LRMDA: variants seen among roughly 807,000 people sequenced by gnomAD.
LRMDA encodes the protein leucine-rich melanocyte differentiation-associated protein.
Under a neutral mutation model 29.8 loss-of-function variants are expected in LRMDA, and 18 were observed. That is an observed-to-expected ratio of 0.60 (90% CI 0.42 to 0.90). The LOEUF (loss-of-function observed/expected upper bound fraction) is 0.90, where lower values mean the gene tolerates loss of function less well. LRMDA is among the 40% of genes least tolerant of loss of function. The pLI, the probability that LRMDA is intolerant of heterozygous loss-of-function variation, is 0.00. For missense variants in LRMDA, 273 were observed against 273.9 expected (o/e 1.00, Z 0.02); for synonymous variants, 125 against 109.4 (o/e 1.14, Z -0.89).
intron 2 of LRMDA, chr10:75,552,418 T>C (rs1840162292): frequency 3.5e-6 from 1 of 284,968 alleles, no homozygotes; most frequent in Non-Finnish European, 7.6e-6. Flanking sequence ...TCTGTGTTTT[T>C]TTTTTTTCCC....
chr10:75,618,767 ATTAT>A (rs1841142698), intron 2 of LRMDA, among the ~76,000 whole-genome samples: 1 of 121,714 alleles, frequency 8.2e-6, no homozygotes, highest in South Asian at 2.8e-4. Flanking sequence ...GGAAGAGAAA[ATTAT>A]TTACTCTTTT....
intron 5 of LRMDA, among the ~76,000 whole-genome samples, chr10:76,203,133 G>T (rs1239055913): frequency 2.0e-5 from 3 of 152,198 alleles, no homozygotes; most frequent in African/African-American, 4.8e-5. Context: ...TGTGGAGACA[G>T]TGGGATCCAT....
chr10:76,103,089 T>C (rs1280972925), intron 5 of LRMDA, among the ~76,000 whole-genome samples: 1 of 152,204 alleles, frequency 6.6e-6, no homozygotes, highest in Non-Finnish European at 1.5e-5. Flanking sequence ...ATATTGCTCT[T>C]TGAGTTTGTC....
intron 2 of LRMDA, among the ~76,000 whole-genome samples, chr10:75,928,337 T>C (rs1846154821): frequency 6.6e-6 from 1 of 151,906 alleles, no homozygotes; most frequent in African/African-American, 2.4e-5. Flanking sequence ...TGGAAATCTA[T>C]TGCTCGGGCA....
At chr10:75,624,575 A>G (rs184941372) in intron 2 of LRMDA, among the ~76,000 whole-genome samples, 307 of 152,250 alleles carry the variant, frequency 2.0e-3, no homozygotes, top group Non-Finnish European at 3.5e-3. Flanking sequence ...AATATTTTAG[A>G]TGTTTCTTCC....
chr10:75,703,656 A>G (rs921845251), intron 2 of LRMDA, among the ~76,000 whole-genome samples: 3 of 152,230 alleles, frequency 2.0e-5, no homozygotes, highest in African/African-American at 7.2e-5. Context: ...CACATCCTTC[A>G]TGATGTTTAC....
intron 5 of LRMDA, among the ~76,000 whole-genome samples, chr10:76,204,412 A>G (rs989759907): frequency 3.3e-5 from 5 of 152,210 alleles, no homozygotes; most frequent in African/African-American, 1.2e-4. Flanking sequence ...TCATCTCTCC[A>G]TGTGCCCATT....
rs558301307 is a variant in LRMDA at position 75,749,939 on chromosome 10, G to T, written c.132-286069G>T. On this transcript the variant is annotated intron_variant, in intron 2 of 6. Coordinates refer to ENST00000611255, the MANE Select transcript of LRMDA (RefSeq NM_001305581.2). Reference sequence around the variant, plus strand: ...CACCACATGTTTCAGAGAGCACGGGGTTGGGGGTAAGATTATAGATTAACA... The same window carrying T: ...CACCACATGTTTCAGAGAGCACGGGTTTGGGGGTAAGATTATAGATTAACA... 3.3e-5 allele frequency among the ~76,000 whole-genome samples: 5 copies of T among 152,292 alleles called. No homozygotes were observed. The South Asian group carries it at 8.3e-4, about 25-fold the overall frequency.
chr10:76,458,427 C>A (rs1414164189), intron 6 of LRMDA, among the ~76,000 whole-genome samples: 2 of 152,094 alleles, frequency 1.3e-5, no homozygotes, highest in South Asian at 2.1e-4. Flanking sequence ...TACATGCAGG[C>A]AAGTTTATTG....
chr10:75,725,370 G>A (rs574447459), intron 2 of LRMDA, among the ~76,000 whole-genome samples: 48 of 152,330 alleles, frequency 3.2e-4, no homozygotes, highest in African/African-American at 9.6e-4. Context: ...CTGAGGGGCC[G>A]AGCCCCGCTC....
intron 2 of LRMDA, among the ~76,000 whole-genome samples, chr10:75,683,503 G>A (rs1178937986): frequency 6.6e-6 from 1 of 152,198 alleles, no homozygotes; most frequent in Non-Finnish European, 1.5e-5. Flanking sequence ...ATGGAATGAT[G>A]CAAAACCAGT....
intron 5 of LRMDA, among the ~76,000 whole-genome samples, chr10:76,157,113 G>C (rs1277914751): frequency 1.3e-5 from 2 of 152,146 alleles, no homozygotes; most frequent in African/African-American, 4.8e-5. Context: ...AGGTTGAAAG[G>C]GGAGTTAGTT....
intron 6 of LRMDA, among the ~76,000 whole-genome samples, chr10:76,445,153 C>G (rs997565012): frequency 1.9e-4 from 29 of 152,230 alleles, no homozygotes; most frequent in African/African-American, 7.0e-4. Context: ...AATGCCTACC[C>G]TTCTCCATGA....
chr10:75,604,364 G>T (rs1292788029), intron 2 of LRMDA, among the ~76,000 whole-genome samples: 1 of 152,108 alleles, frequency 6.6e-6, no homozygotes, highest in Non-Finnish European at 1.5e-5. Context: ...TTAGTGTGGG[G>T]CCAGAATGCT....
At chr10:76,169,810 G>A (rs1170629337) in intron 5 of LRMDA, among the ~76,000 whole-genome samples, 1 of 152,184 alleles carries the variant, frequency 6.6e-6, no homozygotes, top group Non-Finnish European at 1.5e-5. Flanking sequence ...AGTAGAAATG[G>A]TAGACTCCAA....
rs903610154 is a variant in LRMDA at position 76,098,574 on chromosome 10, C to CT, written c.516+39799dup. On this transcript the variant is annotated intron_variant, in intron 5 of 6. Coordinates refer to ENST00000611255, the MANE Select transcript of LRMDA (RefSeq NM_001305581.2). ...TGATATTGACAACTTGTACTTTCTTCTTTTTTTTCATATTAAATCTGACTA... is the reference window on the plus strand; with the variant it reads ...TGATATTGACAACTTGTACTTTCTTCTTTTTTTTTCATATTAAATCTGACTA... 1.3e-5 allele frequency among the ~76,000 whole-genome samples: 2 copies of CT among 151,982 alleles called. 1 individual carries two copies.
intron 2 of LRMDA, among the ~76,000 whole-genome samples, chr10:75,665,992 A>G (rs1377321040): frequency 6.6e-6 from 1 of 152,144 alleles, no homozygotes; most frequent in African/African-American, 2.4e-5. Flanking sequence ...AACTGATACA[A>G]TGTCTTACTC....
At chr10:76,223,127 G>T (rs997733886) in intron 5 of LRMDA, among the ~76,000 whole-genome samples, 1 of 151,198 alleles carries the variant, frequency 6.6e-6, no homozygotes, top group Non-Finnish European at 1.5e-5. Context: ...GGGGTGGGGG[G>T]AGTGGGGAGG....
intron 2 of LRMDA, among the ~76,000 whole-genome samples, chr10:75,453,659 G>C (rs537069881): frequency 2.0e-5 from 3 of 152,106 alleles, no homozygotes; most frequent in Non-Finnish European, 4.4e-5. Context: ...TTCTGCTTCA[G>C]CTCTGTTGAT....
Sources: allele counts gnomAD v4.1 joint callset (sites outside exome capture counted in the v4.1 genomes callset), GRCh38; gene constraint gnomAD v4.1.1; transcripts MANE v1.5; gene names NCBI Gene and HGNC (gene_info 2026-07-23, HGNC 2026-07-21).